Variants in MXI1 observed in about 807,000 individuals in gnomAD.
MXI1 encodes MAX interactor 1, dimerization protein, also known as max-interacting protein 1.
In MXI1, 18 loss-of-function variants were observed where a neutral mutation model predicts 36.9. The ratio of observed to expected loss-of-function variants is 0.49; its 90% CI spans 0.34 to 0.72. MXI1 has a LOEUF of 0.72. Ranked by LOEUF, MXI1 falls within the 30% of genes least tolerant of loss-of-function variation. The probability of loss-of-function intolerance (pLI) is 0.01; values close to 1 mark genes in which losing one functional copy is unlikely to be tolerated. For missense variants in MXI1, 304 were observed against 379.1 expected (o/e 0.80, Z 1.64); for synonymous variants, 160 against 146.7 (o/e 1.09, Z -0.65).
intron 2 of MXI1, among the ~76,000 whole-genome samples, chr10:110,243,894 G>C (rs1156246438): frequency 6.6e-6 from 1 of 152,088 alleles, no homozygotes; most frequent in Non-Finnish European, 1.5e-5. Context: ...TTTGGCCTTA[G>C]AGTCTGTGCC....
chr10:110,276,213 C>T (rs1457095961), intron 3 of MXI1, among the ~76,000 whole-genome samples: 2 of 152,110 alleles, frequency 1.3e-5, no homozygotes, highest in Non-Finnish European at 2.9e-5. Context: ...TTTAAATTAC[C>T]TAGAAAATCC....
chr10:110,278,394 TGAGA>T (rs1235261731), intron 3 of MXI1, among the ~76,000 whole-genome samples: 1 of 152,046 alleles, frequency 6.6e-6, no homozygotes, highest in Non-Finnish European at 1.5e-5. Context: ...AGGCAGGTAG[TGAGA>T]GAGACGAGAG....
chr10:110,256,782 C>T, intron 3 of MXI1, among the ~76,000 whole-genome samples: 1 of 152,148 alleles, frequency 6.6e-6, no homozygotes, highest in Non-Finnish European at 1.5e-5. Flanking sequence ...CCAGTTACCA[C>T]TGATCAGAGA....
chr10:110,267,348 A>G (rs1429265198), intron 3 of MXI1, among the ~76,000 whole-genome samples: 2 of 152,212 alleles, frequency 1.3e-5, no homozygotes, highest in African/African-American at 2.4e-5. Flanking sequence ...TCTGTAATAT[A>G]TTGGTTACTG....
chr10:110,228,353 C>T (rs754647062), intron 2 of MXI1, 32 bp downstream of exon 2: 4 of 1,613,238 alleles, frequency 2.5e-6, no homozygotes, highest in African/African-American at 1.3e-5. Flanking sequence ...GAAGAGGGAA[C>T]TGGAGGGAAG....
At position 110,240,035 on chromosome 10, in the gene MXI1, T is replaced by C. The variant is rs193266094; in HGVS notation, c.408-4793T>C. Among the ~76,000 whole-genome samples, 448 of 152,228 alleles carry C rather than the reference T, an allele frequency of 2.9e-3. 1 individual carries two copies. The highest frequency in any genetic ancestry group is 5.3e-3 in the Non-Finnish European group (360 of 67,960). ...ATGTAGTGTGTACTTTTTGTGTGTG[T>C]TTGGCTTTTTTCATTCAACATTATG... On this transcript the variant is annotated intron_variant, in intron 2 of 5. Transcript: ENST00000332674.
intron 1 of MXI1, among the ~76,000 whole-genome samples, chr10:110,212,417 T>A (rs1332707394): frequency 6.6e-6 from 1 of 152,212 alleles, no homozygotes; most frequent in Non-Finnish European, 1.5e-5. Context: ...ACCTCTGTGC[T>A]CGACTTAGAC....
chr10:110,244,776 T>C, intron 2 of MXI1, 52 bp from the exon 3 acceptor site: 4 of 1,495,342 alleles, frequency 2.7e-6, no homozygotes, highest in Non-Finnish European at 3.7e-6. Flanking sequence ...TGTCTTTCTA[T>C]AGCTTTAGCA....
At position 110,280,054 on chromosome 10, in the gene MXI1, T is replaced by A; in HGVS notation, c.693T>A (p.Thr231=). The A allele has an allele frequency of 6.3e-7, 1 of 1,596,620 alleles. No homozygotes were observed. The highest frequency in any genetic ancestry group is 8.5e-7 in the Non-Finnish European group (1 of 1,169,960). ...TACGAATGGACAGCATTGGATCAACTATTTCTTCAGATCGTTCTGATTCAG... is the reference window on the plus strand; with the variant it reads ...TACGAATGGACAGCATTGGATCAACAATTTCTTCAGATCGTTCTGATTCAG... ...ERIRMDSIGS[T]ISSDRSDSER... is the part of the protein sequence containing the mutation. The change falls in exon 5 of 6, where the codon ACT becomes ACA. Residue 231 remains threonine, a synonymous_variant. Coordinates refer to ENST00000332674, the MANE Select transcript of MXI1 (RefSeq NM_130439.3).
intron 2 of MXI1, among the ~76,000 whole-genome samples, chr10:110,229,401 G>A (rs1855179232): frequency 6.6e-6 from 1 of 152,158 alleles, no homozygotes; most frequent in African/African-American, 2.4e-5. Flanking sequence ...TAGTCATTTG[G>A]GACAGCAGAT....
At chr10:110,271,289 C>G (rs2134451127) in intron 3 of MXI1, among the ~76,000 whole-genome samples, 1 of 152,224 alleles carries the variant, frequency 6.6e-6, no homozygotes, top group East Asian at 1.9e-4. Flanking sequence ...TCTGATTATA[C>G]TGTTTGGAGG....
chr10:110,251,692 A>AC (rs1418741817), intron 3 of MXI1, among the ~76,000 whole-genome samples: 1 of 152,060 alleles, frequency 6.6e-6, no homozygotes, highest in African/African-American at 2.4e-5. Context: ...AAAACCTACT[A>AC]CTCTGGGTAG....
chr10:110,234,134 C>T (rs530335170), intron 2 of MXI1, among the ~76,000 whole-genome samples: 1 of 152,144 alleles, frequency 6.6e-6, no homozygotes, highest in Non-Finnish European at 1.5e-5. Context: ...GGATTTTAAG[C>T]AATATATGCA....
chr10:110,216,471 T>G (rs1267750135), intron 1 of MXI1, among the ~76,000 whole-genome samples: 1 of 152,118 alleles, frequency 6.6e-6, no homozygotes, highest in Non-Finnish European at 1.5e-5. Flanking sequence ...CCTGTCTTCA[T>G]GGAGTGTACT....
rs1335453392 is a variant in MXI1 at position 110,285,926 on chromosome 10, A to G, written c.*939A>G. The G allele has an allele frequency of 6.6e-6, 1 of 152,618 alleles. No homozygotes were observed. Among genetic ancestry groups the G allele is most frequent in the African/African-American group, 2.4e-5 (1 of 41,442 alleles). 9.5% of individuals were successfully genotyped at this position (152,618 alleles called of 1,614,324 possible). On this transcript the variant is annotated 3_prime_UTR_variant, in exon 6 of 6. Transcript: ENST00000332674. ...TATATGTGTTGAAAACCAAAATGAC[A>G]TCTTTTTAAAGCTTATCCATAAAAA...
intron 3 of MXI1, among the ~76,000 whole-genome samples, chr10:110,247,179 GTCT>G (rs1205051615): frequency 6.6e-6 from 1 of 152,098 alleles, no homozygotes; most frequent in African/African-American, 2.4e-5. Context: ...CTGCATAAAC[GTCT>G]TCTTTCGAGA....
intron 2 of MXI1, among the ~76,000 whole-genome samples, chr10:110,237,434 T>C (rs1855512975): frequency 6.6e-6 from 1 of 152,254 alleles, no homozygotes; most frequent in African/African-American, 2.4e-5. Flanking sequence ...TTTCTACATC[T>C]ATTTAGGTGA....
At chr10:110,224,341 C>G (rs765067635) in intron 1 of MXI1, among the ~76,000 whole-genome samples, 8 of 152,194 alleles carry the variant, frequency 5.3e-5, no homozygotes, top group Non-Finnish European at 8.8e-5. Context: ...TCCCTTGTTC[C>G]CAACTGGGGG....
chr10:110,274,769 G>A (rs1003816439), intron 3 of MXI1, among the ~76,000 whole-genome samples: 10 of 151,658 alleles, frequency 6.6e-5, no homozygotes, highest in Admixed American at 5.3e-4. Context: ...GCAGGACCAT[G>A]CCTTTCATGA....
Sources: allele counts gnomAD v4.1 joint callset (sites outside exome capture counted in the v4.1 genomes callset), GRCh38; gene constraint gnomAD v4.1.1; transcripts MANE v1.5; gene names NCBI Gene and HGNC (gene_info 2026-07-23, HGNC 2026-07-21).